The following UBE2H variants were observed in gnomAD, a reference collection of about 807,000 sequenced individuals.
The protein encoded by UBE2H is ubiquitin conjugating enzyme E2 H, also known as ubiquitin-conjugating enzyme E2 H.
In UBE2H, 3 loss-of-function variants were observed where a neutral mutation model predicts 29.0. The ratio of observed to expected loss-of-function variants is 0.10; its 90% CI spans 0.05 to 0.27. The LOEUF (loss-of-function observed/expected upper bound fraction) is 0.27, where lower values mean the gene tolerates loss of function less well. Ranked by LOEUF, UBE2H falls within the 10% of genes least tolerant of loss-of-function variation. The pLI is 1.00. For missense variants in UBE2H, 68 were observed against 228.2 expected, an observed-to-expected ratio of 0.30 and a Z score of 4.52; for synonymous variants, 69 against 82.9, an observed-to-expected ratio of 0.83 and a Z score of 0.91.
intron 5 of UBE2H, among the ~76,000 whole-genome samples, chr7:129,853,321 A>G (rs1431815320): frequency 6.6e-6 from 1 of 152,162 alleles, no homozygotes; most frequent in Admixed American, 6.5e-5. Flanking sequence ...CTTAAAATTA[A>G]TTTGTTTTGA....
chr7:129,941,217 T>C (rs1807635423), intron 1 of UBE2H, among the ~76,000 whole-genome samples: 2 of 152,064 alleles, frequency 1.3e-5, no homozygotes, highest in African/African-American at 2.4e-5. Flanking sequence ...TAATTTTTTG[T>C]ATTTTAGTAG....
chr7:129,898,813 C>T (rs201148612), intron 1 of UBE2H, among the ~76,000 whole-genome samples: 1 of 145,818 alleles, frequency 6.9e-6, no homozygotes, highest in South Asian at 2.2e-4. Flanking sequence ...AGTTGCAGGC[C>T]TTTTTTTTTT....
chr7:129,946,513 A>G (rs1411790443), intron 1 of UBE2H, among the ~76,000 whole-genome samples: 1 of 152,230 alleles, frequency 6.6e-6, no homozygotes, highest in African/African-American at 2.4e-5. Context: ...TTTAAGGCCA[A>G]CAGTTCTTAA....
intron 1 of UBE2H, among the ~76,000 whole-genome samples, chr7:129,932,597 AC>A (rs1437501965): frequency 4.8e-5 from 7 of 146,998 alleles, no homozygotes; most frequent in African/African-American, 1.7e-4. Context: ...ACACAGTGAA[AC>A]CCCGTCTCTA....
At chr7:129,946,076 G>A (rs1160136485) in intron 1 of UBE2H, among the ~76,000 whole-genome samples, 1 of 145,690 alleles carries the variant, frequency 6.9e-6, no homozygotes, top group Non-Finnish European at 1.5e-5. Context: ...TTTTTGAGAC[G>A]AAGTCTCACT....
At chr7:129,919,827 G>C (rs774151402) in intron 1 of UBE2H, among the ~76,000 whole-genome samples, 1 of 152,122 alleles carries the variant, frequency 6.6e-6, no homozygotes, top group Non-Finnish European at 1.5e-5. Context: ...AAAAATATTT[G>C]ACTAGAAAAT....
intron 1 of UBE2H, among the ~76,000 whole-genome samples, chr7:129,907,855 G>C (rs1481904693): frequency 2.0e-5 from 3 of 152,062 alleles, no homozygotes; most frequent in African/African-American, 7.2e-5. Context: ...TTAAAATACA[G>C]GCTGGAAAAA....
At chr7:129,944,341 C>T (rs1213594016) in intron 1 of UBE2H, among the ~76,000 whole-genome samples, 4 of 151,666 alleles carry the variant, frequency 2.6e-5, no homozygotes, top group South Asian at 2.1e-4. Context: ...GGCGACAGAG[C>T]GAAGACTCCG....
chr7:129,871,606 C>T (rs1387834597), intron 3 of UBE2H, among the ~76,000 whole-genome samples: 1 of 151,428 alleles, frequency 6.6e-6, no homozygotes, highest in Non-Finnish European at 1.5e-5. Flanking sequence ...CCCAGCTATT[C>T]GGGAGACTGA....
intron 1 of UBE2H, among the ~76,000 whole-genome samples, chr7:129,913,578 G>A (rs1043036852): frequency 2.6e-5 from 4 of 151,044 alleles, no homozygotes; most frequent in Non-Finnish European, 3.0e-5. Flanking sequence ...TGTTTCATTC[G>A]AGCCCCTCAA....
At chr7:129,932,964 T>C (rs1427507727) in intron 1 of UBE2H, among the ~76,000 whole-genome samples, 1 of 152,062 alleles carries the variant, frequency 6.6e-6, no homozygotes, top group Non-Finnish European at 1.5e-5. Context: ...CCTCTGTTAC[T>C]TACCAAAAAC....
intron 3 of UBE2H, among the ~76,000 whole-genome samples, chr7:129,873,587 A>G (rs1025897800): frequency 5.3e-5 from 8 of 151,086 alleles, no homozygotes; most frequent in African/African-American, 1.9e-4. Flanking sequence ...GGTATACACC[A>G]CCATGCCCAG....
chr7:129,849,798 G>A (rs764563361), intron 5 of UBE2H, among the ~76,000 whole-genome samples: 10 of 151,866 alleles, frequency 6.6e-5, no homozygotes, highest in Non-Finnish European at 8.8e-5. Context: ...AATATAACCC[G>A]CCACCAAATA....
At chr7:129,941,416 T>C (rs987621370) in intron 1 of UBE2H, among the ~76,000 whole-genome samples, 2 of 152,184 alleles carry the variant, frequency 1.3e-5, no homozygotes, top group East Asian at 3.8e-4. Flanking sequence ...ATTACAGGCA[T>C]GAGCCACTGC....
chr7:129,900,813 C>A (rs1423908111), intron 1 of UBE2H, among the ~76,000 whole-genome samples: 1 of 150,106 alleles, frequency 6.7e-6, no homozygotes, highest in East Asian at 1.9e-4. Flanking sequence ...TGCAGTGGCA[C>A]CATCTCCACT....
At chr7:129,891,700 G>A (rs1462799287) in intron 1 of UBE2H, among the ~76,000 whole-genome samples, 1 of 151,656 alleles carries the variant, frequency 6.6e-6, no homozygotes, top group Non-Finnish European at 1.5e-5. Context: ...TACTTGGGAG[G>A]CTAACACAGT....
intron 1 of UBE2H, among the ~76,000 whole-genome samples, chr7:129,934,337 C>A (rs561114707): frequency 1.3e-5 from 2 of 150,014 alleles, no homozygotes; most frequent in Non-Finnish European, 3.0e-5. Flanking sequence ...CAAAAAAGAA[C>A]AACAAAAACA....
intron 1 of UBE2H, among the ~76,000 whole-genome samples, chr7:129,917,223 G>T (rs1277548801): frequency 6.6e-6 from 1 of 152,116 alleles, no homozygotes; most frequent in Non-Finnish European, 1.5e-5. Flanking sequence ...CCATTTGCTG[G>T]GTCTCACATG....
chr7:129,929,508 CTT>C (rs1807344271), intron 1 of UBE2H, among the ~76,000 whole-genome samples: 1 of 151,950 alleles, frequency 6.6e-6, no homozygotes, highest in Non-Finnish European at 1.5e-5. Context: ...TAGACTATGA[CTT>C]ATCACCATTT....
Sources: allele counts gnomAD v4.1 joint callset (sites outside exome capture counted in the v4.1 genomes callset), GRCh38; gene constraint gnomAD v4.1.1; transcripts MANE v1.5; gene names NCBI Gene and HGNC (gene_info 2026-07-23, HGNC 2026-07-21).